YEATS2: variants seen among roughly 807,000 people sequenced by gnomAD.
The protein encoded by YEATS2 is YEATS domain containing 2.
YEATS2 carries 77 observed loss-of-function variants against 163.2 expected under a neutral mutation model. That is an observed-to-expected ratio of 0.47 (90% CI 0.39 to 0.57). YEATS2 has a LOEUF of 0.57. Ranked by LOEUF, YEATS2 falls within the 20% of genes least tolerant of loss-of-function variation. The pLI, the probability that YEATS2 is intolerant of heterozygous loss-of-function variation, is 0.00. For missense variants in YEATS2, 1,549 were observed against 1,729.8 expected (o/e 0.90, Z 1.85); for synonymous variants, 631 against 645.1 (o/e 0.98, Z 0.33).
In YEATS2 at chr3:183,715,280, G is replaced by A; in HGVS notation, c.100+18G>A. On this transcript the variant is annotated intron_variant, in intron 2 of 30. Coordinates refer to ENST00000305135, the MANE Select transcript of YEATS2 (RefSeq NM_018023.5). The stretch of plus-strand genomic sequence containing the variant: ...GAATTCAGGTAGAAATCCTGCCTTA[G>A]GAAATTATTTCTTTATTGACATATG... 6.3e-7 allele frequency: 1 copy of A among 1,580,212 alleles called. No individual in the cohort carries two copies. The highest frequency in any genetic ancestry group is 1.1e-5 in the South Asian group (1 of 89,766).
At chr3:183,765,650 A>G (rs890638350) in intron 15 of YEATS2, among the ~76,000 whole-genome samples, 2 of 152,152 alleles carry the variant, frequency 1.3e-5, no homozygotes, top group African/African-American at 4.8e-5. Context: ...ATTCCTAGAA[A>G]CTATGCCAGA....
In YEATS2 at chr3:183,810,504, T is replaced by C; in HGVS notation, c.4190T>C (p.Ile1397Thr). 6.2e-7 allele frequency: 1 copy of C among 1,614,170 alleles called. No individual in the cohort carries two copies. Among genetic ancestry groups the C allele is most frequent in the Non-Finnish European group, 8.5e-7 (1 of 1,180,014 alleles). Residue 1397 changes from isoleucine (I) to threonine (T), a missense_variant, in exon 31 of 31, where the codon ATT becomes ACT. Physicochemically the swap from Ile to Thr is moderately conservative, Grantham distance 89. Transcript: ENST00000305135. ...RIPKEITVSN[I>T]HQAICNIPFL... ...CCCAAAGAAATTACAGTGAGTAATA[T>C]TCACCAGGCCATTTGCAACATTCCT...
At chr3:183,780,685 A>T (rs1723484619) in intron 19 of YEATS2, among the ~76,000 whole-genome samples, 1 of 152,224 alleles carries the variant, frequency 6.6e-6, no homozygotes, top group Non-Finnish European at 1.5e-5. Context: ...TAGGAATATG[A>T]GGAGAATTTG....
At chr3:183,753,320 G>T (rs1312124563) in intron 10 of YEATS2, among the ~76,000 whole-genome samples, 1 of 152,086 alleles carries the variant, frequency 6.6e-6, no homozygotes, top group African/African-American at 2.4e-5. Context: ...AAGCATAAAA[G>T]ATATAAAATT....
intron 6 of YEATS2, 59 bp downstream of exon 6, chr3:183,724,590 A>C: frequency 7.8e-7 from 1 of 1,280,398 alleles, no homozygotes. Flanking sequence ...TTTGGCATTA[A>C]TACTCTTACA....
At chr3:183,797,424 A>G (rs1725257725) in intron 21 of YEATS2, among the ~76,000 whole-genome samples, 2 of 152,072 alleles carry the variant, frequency 1.3e-5, no homozygotes, top group Non-Finnish European at 2.9e-5. Context: ...GTATGCCTGT[A>G]GTACCAGCCA....
intron 17 of YEATS2, among the ~76,000 whole-genome samples, chr3:183,774,725 A>G (rs1340619616): frequency 6.6e-6 from 1 of 152,230 alleles, no homozygotes; most frequent in African/African-American, 2.4e-5. Context: ...AGGGTACAGC[A>G]TTCAGGGTCA....
rs760292122 is a variant in YEATS2, at chr3:183,728,856, GCA to G, written c.812+7_812+8del. ...AAATGACCTTGTGGAAGTTAGGTAA[GCA>G]CGCTTGAGGTATTTAACCTAAATTG... On this transcript the variant is annotated splice_donor_region_variant and intron_variant, in intron 7 of 30. Transcript: ENST00000305135. 2 of 1,606,654 alleles carry G rather than the reference GCA, an allele frequency of 1.2e-6. No individual in the cohort carries two copies. Among genetic ancestry groups the G allele is most frequent in the South Asian group, 2.2e-5 (2 of 89,038 alleles).
intron 25 of YEATS2, 80 bp from the exon 26 acceptor site, chr3:183,803,176 A>T: frequency 1.4e-6 from 2 of 1,464,468 alleles, no homozygotes; most frequent in Non-Finnish European, 1.9e-6. Context: ...TGAAGAAGTG[A>T]CTGGCTTGCC....
intron 30 of YEATS2, chr3:183,810,272 C>T (rs1577240947): frequency 2.0e-6 from 1 of 506,726 alleles, no homozygotes; most frequent in Non-Finnish European, 3.5e-6. Flanking sequence ...CCTAATTATT[C>T]AACCAACTTG....
At chr3:183,775,303 A>T (rs1007168241) in intron 17 of YEATS2, among the ~76,000 whole-genome samples, 4 of 152,238 alleles carry the variant, frequency 2.6e-5, no homozygotes, top group Admixed American at 1.3e-4. Flanking sequence ...GTTGATTAAA[A>T]TACTTGGCTA....
Position 183,706,829 on chromosome 3 carries a change from G to A in YEATS2, c.-19-8315G>A, listed in dbSNP as rs183961395. Among the ~76,000 whole-genome samples the A allele has an allele frequency of 7.6e-3, 1,161 of 151,984 alleles. 3 individuals carry two copies. The highest frequency in any genetic ancestry group is 0.014 in the Non-Finnish European group (946 of 67,946). On this transcript the variant is annotated intron_variant, in intron 1 of 30. Coordinates refer to ENST00000305135, the MANE Select transcript of YEATS2 (RefSeq NM_018023.5). ...GAAACTCTGTCTCAAAAAAAAAAAA[G>A]TTAGGTGGAGCATTGGTAATCCAAA...
chr3:183,806,823 G>T, intron 27 of YEATS2, 43 bp from the exon 28 acceptor site: 1 of 1,605,852 alleles, frequency 6.2e-7, no homozygotes. Context: ...GTCCTCTTCC[G>T]TTGGCCCCAC....
chr3:183,744,611 C>T (rs1361453254), intron 8 of YEATS2, among the ~76,000 whole-genome samples: 1 of 152,082 alleles, frequency 6.6e-6, no homozygotes, highest in African/African-American at 2.4e-5. Flanking sequence ...TGTTTCCTAC[C>T]AGTTTTCTGG....
At chr3:183,782,880 C>T (rs1239295356) in intron 19 of YEATS2, among the ~76,000 whole-genome samples, 1 of 152,160 alleles carries the variant, frequency 6.6e-6, no homozygotes, top group Non-Finnish European at 1.5e-5. Flanking sequence ...TCATAGGGTA[C>T]ATATATGTTT....
chr3:183,796,997 G>C (rs970473026), intron 21 of YEATS2, among the ~76,000 whole-genome samples: 1 of 151,992 alleles, frequency 6.6e-6, no homozygotes, highest in South Asian at 2.1e-4. Context: ...GGCCAGGCGC[G>C]GTAGCTCACG....
Position 183,721,909 on chromosome 3 carries a change from A to G in YEATS2, c.310A>G (p.Thr104Ala). ...TTTGTAGGGATCAAAGACATGTGATACAATGGTTTTTAATCATCCTGCTAT... is the reference window on the plus strand; with the variant it reads ...TTTGTAGGGATCAAAGACATGTGATGCAATGGTTTTTAATCATCCTGCTAT... ...KVSEGSKTCD[T>A]MVFNHPAIKK... is the part of the protein sequence containing the mutation. The change falls in exon 5 of 31, where the codon ACA becomes GCA. Residue 104 changes from threonine to alanine, a missense_variant. Thr to Ala is a moderately conservative substitution (Grantham distance 58). Coordinates refer to ENST00000305135, the MANE Select transcript of YEATS2 (RefSeq NM_018023.5). 2 of 1,614,174 alleles carry G rather than the reference A, an allele frequency of 1.2e-6. No homozygotes were observed. The highest frequency in any genetic ancestry group is 2.2e-5 in the South Asian group (2 of 91,086).
intron 15 of YEATS2, 91 bp from the exon 16 acceptor site, chr3:183,772,213 TG>T: frequency 6.5e-7 from 1 of 1,550,316 alleles, no homozygotes; most frequent in Non-Finnish European, 8.8e-7. Flanking sequence ...GCATGTATTA[TG>T]TGCAGGCCTT....
intron 3 of YEATS2, 83 bp downstream of exon 3, chr3:183,717,831 A>T: frequency 3.0e-6 from 2 of 677,960 alleles, no homozygotes; most frequent in Non-Finnish European, 2.2e-6. Context: ...ATTGAGATGG[A>T]GTCACAGTTT....
Sources: gnomAD v4.1 joint callset for allele counts (sites outside exome capture counted in the v4.1 genomes callset) on GRCh38, gnomAD v4.1.1 for gene constraint, MANE v1.5 for transcripts, NCBI Gene and HGNC (gene_info 2026-07-23, HGNC 2026-07-21) for gene names.